MMP17: variants seen among roughly 807,000 people sequenced by gnomAD.
The protein encoded by MMP17 is matrix metalloproteinase-17.
Under a neutral mutation model 49.1 loss-of-function variants are expected in MMP17, and 54 were observed. That is an observed-to-expected ratio of 1.10 (90% CI 0.88 to 1.38). MMP17 has a LOEUF of 1.38. Among genes scored for constraint, MMP17 ranks in the 40% most tolerant of loss-of-function variants. The pLI, the probability that MMP17 is intolerant of heterozygous loss-of-function variation, is 0.00. For missense variants in MMP17, 837 were observed against 853.7 expected (o/e 0.98, Z 0.24); for synonymous variants, 397 against 383.1 (o/e 1.04, Z -0.42).
At position 131,847,183 on chromosome 12, in the gene MMP17, C is replaced by T. The variant is rs140244414; in HGVS notation, c.1204+1734C>T. On this transcript the variant is annotated intron_variant, in intron 8 of 9. Transcript: ENST00000360564. ...ATCCCAGCATTTTGGGAGGCCGAGG[C>T]GGGCAGATTACAAGGTCAGGAAATC... 2.6e-3 allele frequency among the ~76,000 whole-genome samples: 396 copies of T among 151,420 alleles called. 10 individuals are homozygous for T. The highest frequency in any genetic ancestry group is 0.021 in the Admixed American group (319 of 15,202).
At chr12:131,833,351 G>C (rs1225607217) in intron 1 of MMP17, among the ~76,000 whole-genome samples, 3 of 152,242 alleles carry the variant, frequency 2.0e-5, no homozygotes, top group Non-Finnish European at 4.4e-5. Flanking sequence ...ATGTGTTCAG[G>C]TGTTTGCTAT....
rs765458229 is a variant in MMP17 at position 131,848,996 on chromosome 12, C to T, written c.1205-806C>T. ...TTTGGGGAGCCTATGTTCTGTCTCCCGCAGCGGCTGCACAATTTCATACTC... is the reference window on the plus strand; with the variant it reads ...TTTGGGGAGCCTATGTTCTGTCTCCTGCAGCGGCTGCACAATTTCATACTC... On this transcript the variant is annotated intron_variant, in intron 8 of 9. Transcript: ENST00000360564. Among the ~76,000 whole-genome samples the T allele has an allele frequency of 7.2e-5, 11 of 152,296 alleles. No homozygotes were observed. In the East Asian group the frequency reaches 7.7e-4, roughly 11 times the overall value.
At chr12:131,834,952 G>A (rs534465405) in intron 1 of MMP17, among the ~76,000 whole-genome samples, 14 of 152,320 alleles carry the variant, frequency 9.2e-5, no homozygotes, top group Admixed American at 1.3e-4. Flanking sequence ...AGGGCTGGGC[G>A]AGGGCGCCTC....
Position 131,850,040 on chromosome 12 carries a change from C to T in MMP17, c.1443C>T (p.Asp481=), listed in dbSNP as rs761360820. 2.4e-5 allele frequency: 38 copies of T among 1,612,088 alleles called. No homozygotes were observed. Among genetic ancestry groups the T allele is most frequent in the Non-Finnish European group, 2.8e-5 (33 of 1,179,430 alleles). Residue 481 remains aspartate, a synonymous_variant, in exon 9 of 10, where the codon GAC becomes GAT. Coordinates refer to ENST00000360564, the MANE Select transcript of MMP17 (RefSeq NM_016155.7). Reference sequence around the variant, plus strand: ...GGGGTGTCCCCAGCACGCTGGACGACGCCATGCGCTGGTCCGACGGTGAGT... The same window carrying T: ...GGGGTGTCCCCAGCACGCTGGACGATGCCATGCGCTGGTCCGACGGTGAGT... ...LWRGVPSTLD[D]AMRWSDGASY... is the part of the protein sequence containing the mutation.
chr12:131,838,440 TCCTGG>T (rs1309707637), intron 2 of MMP17, 113 bp downstream of exon 2: 34 of 1,475,316 alleles, frequency 2.3e-5, no homozygotes, highest in Non-Finnish European at 2.6e-5. Context: ...TGAACCTGGG[TCCTGG>T]CCTGGTGTAG....
chr12:131,832,994 A>G (rs1886903403), intron 1 of MMP17, among the ~76,000 whole-genome samples: 1 of 152,094 alleles, frequency 6.6e-6, no homozygotes, highest in Non-Finnish European at 1.5e-5. Flanking sequence ...CCTCCAGCCC[A>G]TCCCTCACCC....
At chr12:131,831,769 G>A (rs543625863) in intron 1 of MMP17, among the ~76,000 whole-genome samples, 4 of 135,388 alleles carry the variant, frequency 3.0e-5, no homozygotes, top group African/African-American at 5.8e-5. Context: ...GCTGCCGTGC[G>A]ATCAGCGGAG....
At chr12:131,838,789 G>A (rs539290374) in intron 3 of MMP17, 48 bp downstream of exon 3, 86 of 1,519,526 alleles carry the variant, frequency 5.7e-5, no homozygotes, top group African/African-American at 2.1e-4. Flanking sequence ...GGAGGTGGGC[G>A]CGTGGCCAGG....
intron 8 of MMP17, among the ~76,000 whole-genome samples, chr12:131,847,285 C>T (rs1306993772): frequency 6.6e-6 from 1 of 151,360 alleles, no homozygotes; most frequent in Non-Finnish European, 1.5e-5. Context: ...TGGTGGCGGG[C>T]ACCTGTTGTT....
chr12:131,838,267 C>A lies in MMP17; in HGVS notation c.232C>A (p.Leu78Met), dbSNP rs143543400. ...AGGGCAGCTGCAGACGCAAGAGGAG[C>A]TGTCTAAGGCCATCACAGCCATGCA... ...TTGQLQTQEE[L>M]SKAITAMQQF... The change falls in exon 2 of 10, where the codon CTG (leucine) becomes ATG (methionine). Residue 78 changes from leucine to methionine, a missense_variant. Physicochemically the swap from Leu to Met is conservative, Grantham distance 15 (BLOSUM62 2). Transcript: ENST00000360564. 4.2e-3 allele frequency: 6,804 copies of A among 1,613,244 alleles called. 20 individuals are homozygous for A. Among genetic ancestry groups the A allele is most frequent in the South Asian group, 5.2e-3 (470 of 91,068 alleles).
intron 1 of MMP17, among the ~76,000 whole-genome samples, chr12:131,835,282 G>A (rs1593223979): frequency 6.6e-6 from 1 of 152,246 alleles, no homozygotes. Flanking sequence ...AGGCGACAGT[G>A]CCTGTTTATC....
intron 9 of MMP17, 101 bp from the exon 10 acceptor site, chr12:131,850,824 G>A (rs560196273): frequency 2.1e-5 from 19 of 891,122 alleles, no homozygotes; most frequent in African/African-American, 1.1e-4. Context: ...AGCCCCTTCC[G>A]CTGCAGCCCT....
Position 131,844,037 on chromosome 12 carries a change from GC to G in MMP17, c.926del (p.Pro309LeufsTer49). ...TGTCTCCCACGGCGCAGCCCGAGGA[GC>G]CTCCCCTGCTGCCGGAGCCCCCAGA... is the stretch of plus-strand genomic sequence containing the variant. ...SVSPTAQPEE[P>X]PLLPEPPDNR... On this transcript the variant is annotated frameshift_variant, in exon 6 of 10. Transcript: ENST00000360564. LOFTEE classifies it high-confidence loss of function. 2 of 1,570,778 alleles carry G rather than the reference GC, an allele frequency of 1.3e-6. No individual in the cohort carries two copies. The highest frequency in any genetic ancestry group is 1.7e-4 in the Middle Eastern group (1 of 5,822).
At chr12:131,838,126 G>A (rs1425451851) in intron 1 of MMP17, 69 bp from the exon 2 acceptor site, 22 of 1,508,454 alleles carry the variant, frequency 1.5e-5, no homozygotes, top group East Asian at 4.6e-5. Context: ...GTGGTGGCCC[G>A]TGGCAGGCTT....
intron 1 of MMP17, 184 bp from the exon 2 acceptor site, chr12:131,838,011 G>A: frequency 4.4e-6 from 3 of 678,850 alleles, no homozygotes. Context: ...CACCCGGCCA[G>A]GGACATCAGG....
intron 8 of MMP17, among the ~76,000 whole-genome samples, chr12:131,848,718 C>T (rs1341873890): frequency 6.6e-6 from 1 of 152,180 alleles, no homozygotes; most frequent in Non-Finnish European, 1.5e-5. Flanking sequence ...AGCGGAAGGT[C>T]CTCGGGGCTC....
chr12:131,828,405 G>C lies in MMP17; in HGVS notation c.-90G>C. 5 of 766,078 alleles carry C rather than the reference G, an allele frequency of 6.5e-6. No individual in the cohort carries two copies. Among genetic ancestry groups the C allele is most frequent in the Non-Finnish European group, 7.9e-6 (5 of 629,562 alleles). The allele number at this position is 766,078 out of a possible 1,614,324, so 47.5% of individuals were successfully genotyped here. On this transcript the variant is annotated 5_prime_UTR_variant, in exon 1 of 10. Transcript: ENST00000360564. ...CCGCGCGGGGCTCAGTCCGGCGGGG[G>C]CGCCGCGGAGAGCGGAGGGCGCCGG...
Position 131,846,145 on chromosome 12 carries a change from G to A in MMP17, c.1204+696G>A, listed in dbSNP as rs145255187. On this transcript the variant is annotated intron_variant, in intron 8 of 9. Coordinates refer to ENST00000360564, the MANE Select transcript of MMP17 (RefSeq NM_016155.7). The surrounding 1 kb of genome is among the most constrained non-coding windows in gnomAD (Gnocchi z 4.6). ...ACCCCCATGCTGGGCTGAAACACCC[G>A]GAGTTTCCCTCACAGTCTGGAGGCC... Among the ~76,000 whole-genome samples the A allele has an allele frequency of 5.1e-4, 78 of 152,278 alleles. No homozygotes were observed. The East Asian group carries it at 0.013, about 25-fold the overall frequency.
At chr12:131,837,235 C>T (rs1279452817) in intron 1 of MMP17, among the ~76,000 whole-genome samples, 2 of 152,226 alleles carry the variant, frequency 1.3e-5, no homozygotes, top group East Asian at 1.9e-4. Flanking sequence ...CTGCCTTGCC[C>T]CAGGCACACA....
Sources: allele counts gnomAD v4.1 joint callset (sites outside exome capture counted in the v4.1 genomes callset), GRCh38; gene constraint gnomAD v4.1.1; non-coding constraint Gnocchi (gnomAD v3.1); transcripts MANE v1.5; gene names NCBI Gene and HGNC (gene_info 2026-07-23, HGNC 2026-07-21).